Variants in DDX43 observed in about 807,000 individuals in gnomAD.
DDX43 encodes the protein DEAD-box helicase 43.
Under a neutral mutation model 84.9 loss-of-function variants are expected in DDX43, and 50 were observed. That is an observed-to-expected ratio of 0.59 (90% CI 0.47 to 0.75). The LOEUF (loss-of-function observed/expected upper bound fraction) is 0.75. Among genes scored for constraint, DDX43 ranks in the 30% least tolerant of loss-of-function variants. The pLI is 0.00. For missense variants in DDX43, 689 were observed against 798.6 expected (o/e 0.86, Z 1.65); for synonymous variants, 291 against 266.3 (o/e 1.09, Z -0.90).
chr6:73,412,308 T>C lies in DDX43; in HGVS notation c.1368+16T>C. 6.3e-7 allele frequency: 1 copy of C among 1,586,892 alleles called. No individual in the cohort carries two copies. The highest frequency in any genetic ancestry group is 1.1e-5 in the South Asian group (1 of 87,198). ...GGATCTAGTTGTAAGCTTTTTTTTATTACTATTGTTTAACATTTCTTATGA... is the reference window on the plus strand; with the variant it reads ...GGATCTAGTTGTAAGCTTTTTTTTACTACTATTGTTTAACATTTCTTATGA... On this transcript the variant is annotated intron_variant, in intron 11 of 16. Coordinates refer to ENST00000370336, the MANE Select transcript of DDX43 (RefSeq NM_018665.3).
In DDX43 at chr6:73,395,033, A is replaced by G. The variant is rs1769435550; in HGVS notation, c.128A>G (p.Tyr43Cys). 1.9e-6 allele frequency: 3 copies of G among 1,614,106 alleles called. No individual in the cohort carries two copies. The African/African-American group carries it at 4.0e-5, about 22-fold the overall frequency. ...TTGAATCGAACAGGTCCTGAGGGATATAGTGTCGGCAGAGGTGGTCGCTGG... is the reference window on the plus strand; with the variant it reads ...TTGAATCGAACAGGTCCTGAGGGATGTAGTGTCGGCAGAGGTGGTCGCTGG... The part of the protein sequence containing the change: ...EELNRTGPEG[Y>C]SVGRGGRWRG... Residue 43 changes from tyrosine (Y) to cysteine (C), a missense_variant, in exon 1 of 17, where the codon TAT becomes TGT. Tyr to Cys is a radical substitution (Grantham distance 194, BLOSUM62 -2). Coordinates refer to ENST00000370336, the MANE Select transcript of DDX43 (RefSeq NM_018665.3).
chr6:73,416,979 C>T (rs1305528051), intron 16 of DDX43, among the ~76,000 whole-genome samples: 2 of 152,132 alleles, frequency 1.3e-5, no homozygotes, highest in Admixed American at 6.6e-5. Context: ...GTGGAGGTTG[C>T]AGTGAGGTGA....
chr6:73,415,722 T>C, intron 15 of DDX43, 138 bp downstream of exon 15: 6 of 592,632 alleles, frequency 1.0e-5, no homozygotes, highest in Non-Finnish European at 1.7e-5. Flanking sequence ...ATGGCAGTGA[T>C]AAGAAACTAT....
At chr6:73,396,650 C>T (rs1769480252) in intron 1 of DDX43, among the ~76,000 whole-genome samples, 1 of 152,180 alleles carries the variant, frequency 6.6e-6, no homozygotes, top group African/African-American at 2.4e-5. Flanking sequence ...TATCACAATA[C>T]TAATAATAAG....
Position 73,416,152 on chromosome 6 carries a change from A to G in DDX43, c.1873A>G (p.Lys625Glu), listed in dbSNP as rs311686. Residue 625 changes from lysine to glutamate, a missense_variant, in exon 16 of 17, where the codon AAG becomes GAG. Lys to Glu is a moderately conservative substitution (Grantham distance 56, BLOSUM62 1). This residue lies in a region of DDX43 where 552 missense variants were observed against 692.7 expected (regional missense o/e 0.80). Transcript: ENST00000370336. ...EELVSMAERF[K>E]AHQQKREMER... ...GCTTGTATCAATGGCTGAGAGGTTT[A>G]AGGCACATCAACAGAAAAGGGAAAT... is the stretch of plus-strand genomic sequence containing the variant. The G allele has an allele frequency of 0.54, 841,796 of 1,561,086 alleles. 232,633 individuals carry two copies. Among genetic ancestry groups the G allele is most frequent in the South Asian group, 0.58 (52,411 of 89,626 alleles).
intron 4 of DDX43, among the ~76,000 whole-genome samples, chr6:73,403,009 A>G (rs1454848815): frequency 2.0e-5 from 3 of 152,260 alleles, no homozygotes; most frequent in Admixed American, 6.5e-5. Flanking sequence ...TTAAAATTCA[A>G]AAGCACTAAT....
chr6:73,415,482 TCCCCCACAC>T lies in DDX43; in HGVS notation c.1746-14_1746-6del. The T allele has an allele frequency of 6.3e-7, 1 of 1,593,650 alleles. No individual in the cohort carries two copies. The highest frequency in any genetic ancestry group is 1.3e-5 in the African/African-American group (1 of 74,438). On this transcript the variant is annotated splice_region_variant and splice_polypyrimidine_tract_variant and intron_variant, in intron 14 of 16. Transcript: ENST00000370336. Reference sequence around the variant, plus strand: ...TGAATAATGAATACATGAGTTTTTTTCCCCCACACTAAAGGAGGACTGGTGTTTCCATTA... The same window carrying T: ...TGAATAATGAATACATGAGTTTTTTTTAAAGGAGGACTGGTGTTTCCATTA...
intron 16 of DDX43, 55 bp downstream of exon 16, chr6:73,416,306 T>A: frequency 1.4e-6 from 1 of 715,980 alleles, no homozygotes; most frequent in South Asian, 1.7e-5. Flanking sequence ...AAACTAGGCT[T>A]TGTTAATAAT....
chr6:73,404,559 G>A, intron 4 of DDX43, 131 bp from the exon 5 acceptor site: 1 of 733,516 alleles, frequency 1.4e-6, no homozygotes, highest in African/African-American at 1.8e-5. Context: ...AAGCCTCGTT[G>A]GCAAAGTGTA....
At chr6:73,410,003 C>CT (rs1273945010) in intron 10 of DDX43, among the ~76,000 whole-genome samples, 1 of 143,756 alleles carries the variant, frequency 7.0e-6, no homozygotes, top group African/African-American at 2.6e-5. Flanking sequence ...GCACTCCAGT[C>CT]TGGGCAACAA....
rs1406310015 is a variant in DDX43 at position 73,394,855 on chromosome 6, G to A, written c.-51G>A. The A allele has an allele frequency of 3.8e-6, 6 of 1,595,616 alleles. No individual in the cohort carries two copies. Among genetic ancestry groups the A allele is most frequent in the Middle Eastern group, 1.7e-4 (1 of 5,892 alleles). On this transcript the variant is annotated 5_prime_UTR_variant, in exon 1 of 17. The change creates a new upstream start codon in the 5' untranslated region. Transcript: ENST00000370336. Reference sequence around the variant, plus strand: ...GCTACTCTTACGACGTCACGGTCAGGTGGTGCAGAGCTGGACGGCAACGAC... The same window carrying A: ...GCTACTCTTACGACGTCACGGTCAGATGGTGCAGAGCTGGACGGCAACGAC...
chr6:73,415,054 T>C (rs553232559), intron 14 of DDX43, among the ~76,000 whole-genome samples: 1 of 152,170 alleles, frequency 6.6e-6, no homozygotes, highest in African/African-American at 2.4e-5. Flanking sequence ...TCCTAGCACT[T>C]TGGGAGGCCG....
At chr6:73,398,501 C>T (rs1193502145) in intron 2 of DDX43, among the ~76,000 whole-genome samples, 4 of 152,192 alleles carry the variant, frequency 2.6e-5, no homozygotes, top group Non-Finnish European at 5.9e-5. Context: ...ATCCGCCCAC[C>T]TCTGCCTCCC....
At chr6:73,400,481 C>A in intron 3 of DDX43, 118 bp downstream of exon 3, 1 of 943,046 alleles carries the variant, frequency 1.1e-6, no homozygotes, top group Non-Finnish European at 1.5e-6. Context: ...TAAATGCAGT[C>A]TTAATGATTT....
At chr6:73,405,585 T>G in intron 5 of DDX43, 94 bp from the exon 6 acceptor site, 3 of 1,257,924 alleles carry the variant, frequency 2.4e-6, no homozygotes, top group Non-Finnish European at 3.3e-6. Context: ...TCAGTTGCAG[T>G]TGAATTTCTA....
intron 11 of DDX43, 98 bp downstream of exon 11, chr6:73,412,390 G>A: frequency 2.4e-6 from 2 of 843,282 alleles, no homozygotes; most frequent in Admixed American, 2.4e-5. Flanking sequence ...CCAATTTTAG[G>A]GCAAATCACA....
Position 73,395,112 on chromosome 6 carries a change from G to T in DDX43, c.207G>T (p.Pro69=). ...EAVAAGHEEL[P]LCFALKSHFV... ...TGGCCGCTGGTCACGAGGAACTGCCGCTGTGTTTTGCTTTGAAGAGCCACT... is the reference window on the plus strand; with the variant it reads ...TGGCCGCTGGTCACGAGGAACTGCCTCTGTGTTTTGCTTTGAAGAGCCACT... Residue 69 remains proline (P), a synonymous_variant, in exon 1 of 17, where the codon CCG becomes CCT. Transcript: ENST00000370336. 1 of 1,614,054 alleles carries T rather than the reference G, an allele frequency of 6.2e-7. No homozygotes were observed. Among genetic ancestry groups the T allele is most frequent in the Non-Finnish European group, 8.5e-7 (1 of 1,179,932 alleles).
At chr6:73,401,073 G>A (rs1769560139) in intron 3 of DDX43, among the ~76,000 whole-genome samples, 1 of 152,098 alleles carries the variant, frequency 6.6e-6, no homozygotes, top group Admixed American at 6.6e-5. Context: ...GACCTCCTGG[G>A]CGGGAGTGAT....
chr6:73,405,624 G>A, intron 5 of DDX43, 55 bp from the exon 6 acceptor site: 2 of 1,566,792 alleles, frequency 1.3e-6, no homozygotes, highest in South Asian at 2.3e-5. Context: ...TTTGGAGAAT[G>A]TCTTGCTTGG....
Sources: gnomAD v4.1 joint callset for allele counts (sites outside exome capture counted in the v4.1 genomes callset) on GRCh38, gnomAD v4.1.1 for gene constraint, gnomAD v4.1.1 regional missense constraint, MANE v1.5 for transcripts, NCBI Gene and HGNC (gene_info 2026-07-23, HGNC 2026-07-21) for gene names.